ZNF529: variants seen among roughly 807,000 people sequenced by gnomAD.
ZNF529 encodes zinc finger protein 529.
ZNF529 carries 11 observed loss-of-function variants against 10.1 expected under a neutral mutation model. The ratio of observed to expected loss-of-function variants is 1.09; its 90% CI spans 0.69 to 1.81. The LOEUF is 1.81. Ranked by LOEUF, ZNF529 falls within the 40% of genes most tolerant of loss-of-function variation. The pLI, the probability that ZNF529 is intolerant of heterozygous loss-of-function variation, is 0.00. For synonymous variants in ZNF529, 204 were observed against 215.7 expected (o/e 0.95, Z 0.47); for missense variants, 624 against 666.8 (o/e 0.94, Z 0.71).
chr19:36,564,653 G>A (rs2035830714), intron 2 of ZNF529, among the ~76,000 whole-genome samples: 1 of 152,188 alleles, frequency 6.6e-6, no homozygotes, highest in African/African-American at 2.4e-5. Flanking sequence ...TGGTGGGAGT[G>A]TAAATTAGTT....
chr19:36,601,758 A>G (rs967399312), intron 1 of ZNF529, among the ~76,000 whole-genome samples: 6 of 152,148 alleles, frequency 3.9e-5, no homozygotes, highest in Non-Finnish European at 8.8e-5. Context: ...CCAAATTCAC[A>G]CACAGTATTA....
chr19:36,555,962 G>A (rs2035453449), intron 3 of ZNF529, 142 bp downstream of exon 3: 2 of 739,126 alleles, frequency 2.7e-6, no homozygotes, highest in Non-Finnish European at 4.5e-6. Context: ...GCACACAGGA[G>A]GGACACTGTG....
At chr19:36,561,383 CT>C (rs78597357) in intron 2 of ZNF529, among the ~76,000 whole-genome samples, 584 of 137,216 alleles carry the variant, frequency 4.3e-3, no homozygotes, top group East Asian at 0.013. Context: ...AAAGAGATTT[CT>C]TTTTTTTTTT....
At chr19:36,595,533 A>G (rs1041388777) in intron 1 of ZNF529, among the ~76,000 whole-genome samples, 3 of 152,020 alleles carry the variant, frequency 2.0e-5, no homozygotes, top group African/African-American at 7.2e-5. Context: ...CTGTCCCTAC[A>G]ACAAAACATT....
intron 2 of ZNF529, among the ~76,000 whole-genome samples, chr19:36,585,752 TG>T (rs1291744961): frequency 6.6e-6 from 1 of 152,180 alleles, no homozygotes; most frequent in East Asian, 1.9e-4. Context: ...GTGGCAACAT[TG>T]GGAGGCTGGA....
upstream of ZNF529, among the ~76,000 whole-genome samples, chr19:36,573,770 G>A (rs1282590708): frequency 6.6e-6 from 1 of 152,204 alleles, no homozygotes; most frequent in Non-Finnish European, 1.5e-5. Context: ...CTGGAGGGCC[G>A]GGCTGGGAAG....
At chr19:36,551,454 T>A (rs1215589766) in intron 4 of ZNF529, among the ~76,000 whole-genome samples, 1 of 152,076 alleles carries the variant, frequency 6.6e-6, no homozygotes, top group South Asian at 2.1e-4. Context: ...AAAATCAGAC[T>A]CTGGTGGGCT....
rs398059704 is a variant in ZNF529, at chr19:36,546,258, G to GTT, written c.*606_*607dup. On this transcript the variant is annotated 3_prime_UTR_variant, in exon 5 of 5. Transcript: ENST00000591340. ...ATAGTGTGTGTGTGTGTGTGTGTGT[G>GTT]TTATGGTGGAATATAACCAGTTCCT... 2.1e-5 allele frequency: 3 copies of GTT among 144,204 alleles called. No homozygotes were observed. Among genetic ancestry groups the GTT allele is most frequent in the African/African-American group, 5.2e-5 (2 of 38,532 alleles). 8.9% of individuals were successfully genotyped at this position (144,204 alleles called of 1,614,324 possible).
At chr19:36,573,348 GA>G, upstream of ZNF529, 1 of 438,378 alleles carries the variant, frequency 2.3e-6, no homozygotes, top group Non-Finnish European at 4.8e-6. Context: ...AGGCCTGTGG[GA>G]AACGTAGTCC....
chr19:36,554,946 T>C, intron 3 of ZNF529, 150 bp from the exon 4 acceptor site: 1 of 578,604 alleles, frequency 1.7e-6, no homozygotes. Flanking sequence ...AAATTAGTGC[T>C]TCCAAACCAG....
intron 2 of ZNF529, chr19:36,582,329 A>G (rs1200282741): frequency 6.6e-6 from 1 of 152,142 alleles, no homozygotes; most frequent in Non-Finnish European, 1.5e-5. Context: ...CTTTGCCACC[A>G]TTTTTAAAAA....
chr19:36,600,917 G>C (rs560696738), intron 1 of ZNF529, among the ~76,000 whole-genome samples: 19 of 152,114 alleles, frequency 1.2e-4, no homozygotes, highest in African/African-American at 4.3e-4. Context: ...CAGTTCACAA[G>C]CCATACAAAA....
chr19:36,578,097 C>T (rs1319820749), upstream of ZNF529, among the ~76,000 whole-genome samples: 4 of 94,582 alleles, frequency 4.2e-5, no homozygotes, highest in Admixed American at 4.5e-4. Context: ...GGAGTCTTAA[C>T]TCTGTCACCC....
intron 4 of ZNF529, among the ~76,000 whole-genome samples, chr19:36,552,947 G>A (rs1004069547): frequency 2.6e-5 from 4 of 152,160 alleles, no homozygotes; most frequent in Admixed American, 6.6e-5. Flanking sequence ...TGGAGAAGCA[G>A]TATAATAGTT....
At chr19:36,571,902 C>G (rs1346135166) in intron 2 of ZNF529, among the ~76,000 whole-genome samples, 1 of 151,306 alleles carries the variant, frequency 6.6e-6, no homozygotes, top group Non-Finnish European at 1.5e-5. Context: ...GTTGACATAG[C>G]CTCTCTGCAT....
At chr19:36,557,054 C>CA (rs2035503260) in intron 2 of ZNF529, among the ~76,000 whole-genome samples, 1 of 152,094 alleles carries the variant, frequency 6.6e-6, no homozygotes. Context: ...ACACTGACCT[C>CA]AAAAAAGCCC....
chr19:36,587,705 G>A (rs932537073), intron 2 of ZNF529, among the ~76,000 whole-genome samples: 6 of 152,138 alleles, frequency 3.9e-5, no homozygotes, highest in African/African-American at 9.7e-5. Context: ...AATGATACAC[G>A]TTACAGGGAC....
At chr19:36,577,986 A>T (rs2036366179), upstream of ZNF529, 1 of 146,910 alleles carries the variant, frequency 6.8e-6, no homozygotes, top group African/African-American at 2.6e-5. Context: ...TTTTTTATAA[A>T]ATGAAGAACT....
At chr19:36,597,468 T>C (rs1324662903) in intron 1 of ZNF529, among the ~76,000 whole-genome samples, 3 of 152,344 alleles carry the variant, frequency 2.0e-5, no homozygotes, top group African/African-American at 7.2e-5. Context: ...GCAGTGCTTC[T>C]GACAGCATAA....
Sources: gnomAD v4.1 joint callset for allele counts (sites outside exome capture counted in the v4.1 genomes callset) on GRCh38, gnomAD v4.1.1 for gene constraint, MANE v1.5 for transcripts, NCBI Gene and HGNC (gene_info 2026-07-23, HGNC 2026-07-21) for gene names.